The following PCSK5 variants were observed in gnomAD, a reference collection of about 807,000 sequenced individuals.
PCSK5 encodes the protein proprotein convertase subtilisin/kexin type 5, also known as prohormone convertase 5.
Under a neutral mutation model 233.2 loss-of-function variants are expected in PCSK5, and 129 were observed. That is an observed-to-expected ratio of 0.55 (90% CI 0.48 to 0.64). PCSK5 has a LOEUF of 0.64. Among genes scored for constraint, PCSK5 ranks in the 30% least tolerant of loss-of-function variants. The probability of loss-of-function intolerance (pLI) is 0.00; values close to 1 mark genes in which losing one functional copy is unlikely to be tolerated. For missense variants in PCSK5, 2,076 were observed against 2,430.1 expected (o/e 0.85, Z 3.06); for synonymous variants, 825 against 879.2 (o/e 0.94, Z 1.09).
At chr9:76,228,460 G>C (rs1386759731) in intron 21 of PCSK5, among the ~76,000 whole-genome samples, 1 of 152,200 alleles carries the variant, frequency 6.6e-6, no homozygotes, top group Non-Finnish European at 1.5e-5. Flanking sequence ...TAAGCCACTT[G>C]AGATACTCAT....
chr9:76,056,962 A>G (rs900824184), intron 5 of PCSK5, among the ~76,000 whole-genome samples: 3 of 152,224 alleles, frequency 2.0e-5, no homozygotes, highest in Admixed American at 2.0e-4. Flanking sequence ...CATATGCAAG[A>G]GAGCTTAACA....
intron 5 of PCSK5, among the ~76,000 whole-genome samples, chr9:76,040,942 C>CACAGTGCAGTTT (rs1416728346): frequency 6.6e-6 from 1 of 152,122 alleles, no homozygotes; most frequent in African/African-American, 2.4e-5. Flanking sequence ...CATCACTTAA[C>CACAGTGCAGTTT]TAACACAGTG....
At chr9:75,996,984 A>C (rs75138482) in intron 3 of PCSK5, among the ~76,000 whole-genome samples, 1 of 152,106 alleles carries the variant, frequency 6.6e-6, no homozygotes, top group Non-Finnish European at 1.5e-5. Flanking sequence ...CTGATGCCTC[A>C]TTGCTCATTT....
intron 5 of PCSK5, among the ~76,000 whole-genome samples, chr9:76,030,427 G>A (rs1222759835): frequency 6.6e-6 from 1 of 152,134 alleles, no homozygotes; most frequent in African/African-American, 2.4e-5. Context: ...TTTTAGGGAA[G>A]CCACAGTCAA....
intron 2 of PCSK5, among the ~76,000 whole-genome samples, chr9:75,968,279 G>A (rs1236584178): frequency 2.0e-5 from 3 of 152,214 alleles, no homozygotes; most frequent in Non-Finnish European, 2.9e-5. Flanking sequence ...TCAGTCTCAG[G>A]AACTAGTTCA....
chr9:76,138,031 C>T (rs904522977), intron 10 of PCSK5, among the ~76,000 whole-genome samples: 5 of 152,072 alleles, frequency 3.3e-5, no homozygotes, highest in African/African-American at 1.2e-4. Context: ...GGTTTTCCTT[C>T]CTGGAATTTA....
intron 5 of PCSK5, among the ~76,000 whole-genome samples, chr9:76,054,154 A>G (rs932784346): frequency 6.6e-5 from 10 of 152,098 alleles, no homozygotes; most frequent in South Asian, 2.1e-4. Flanking sequence ...ACCCACCCCC[A>G]TGATTCAATT....
intron 20 of PCSK5, among the ~76,000 whole-genome samples, chr9:76,205,940 C>A (rs949176365): frequency 1.3e-5 from 2 of 152,158 alleles, no homozygotes; most frequent in Non-Finnish European, 2.9e-5. Context: ...CCACTTTCTA[C>A]TACTGGTGCT....
At chr9:76,327,355 C>T (rs1380493186) in intron 32 of PCSK5, among the ~76,000 whole-genome samples, 1 of 152,158 alleles carries the variant, frequency 6.6e-6, no homozygotes, top group Non-Finnish European at 1.5e-5. Flanking sequence ...AATCCATCCA[C>T]CTTGGCCTCC....
intron 2 of PCSK5, among the ~76,000 whole-genome samples, chr9:75,952,282 G>A (rs1204276777): frequency 1.3e-5 from 2 of 152,048 alleles, no homozygotes. Context: ...TTAAGCATAA[G>A]GTCTTTGAGT....
At chr9:75,924,083 A>G (rs1823370223) in intron 1 of PCSK5, among the ~76,000 whole-genome samples, 1 of 152,178 alleles carries the variant, frequency 6.6e-6, no homozygotes, top group Non-Finnish European at 1.5e-5. Context: ...TAACATATTC[A>G]TAGGTTCTGG....
At chr9:75,936,370 G>T (rs1056006738) in intron 2 of PCSK5, among the ~76,000 whole-genome samples, 1 of 152,246 alleles carries the variant, frequency 6.6e-6, no homozygotes, top group Non-Finnish European at 1.5e-5. Context: ...ATGCAATGCT[G>T]TTTGATAGCA....
intron 8 of PCSK5, among the ~76,000 whole-genome samples, chr9:76,097,899 T>C (rs1831601670): frequency 6.6e-6 from 1 of 152,202 alleles, no homozygotes; most frequent in South Asian, 2.1e-4. Flanking sequence ...TCTGGATTTG[T>C]CTTTTCAAGG....
chr9:75,931,934 T>A (rs1182576934), intron 1 of PCSK5, among the ~76,000 whole-genome samples: 1 of 152,250 alleles, frequency 6.6e-6, no homozygotes, highest in East Asian at 1.9e-4. Context: ...TAAGACATAT[T>A]TCAAATTAAC....
At chr9:76,355,984 G>A (rs775158848) in intron 37 of PCSK5, among the ~76,000 whole-genome samples, 2 of 152,272 alleles carry the variant, frequency 1.3e-5, no homozygotes. Context: ...GATTATAGGC[G>A]TGAGCTACCG....
chr9:76,247,157 G>A (rs1192368897), intron 24 of PCSK5, among the ~76,000 whole-genome samples: 1 of 152,196 alleles, frequency 6.6e-6, no homozygotes, highest in Non-Finnish European at 1.5e-5. Context: ...CACCTCGCTG[G>A]ATCAGGAGCA....
chr9:75,905,850 C>T (rs1220033524), intron 1 of PCSK5, among the ~76,000 whole-genome samples: 1 of 152,114 alleles, frequency 6.6e-6, no homozygotes, highest in Admixed American at 6.5e-5. Context: ...AACCATTGCC[C>T]CCTCCCCTGT....
intron 36 of PCSK5, among the ~76,000 whole-genome samples, chr9:76,353,032 TTA>T (rs1830207601): frequency 6.9e-6 from 1 of 144,608 alleles, no homozygotes; most frequent in African/African-American, 2.6e-5. Context: ...AAAAAAAAAA[TTA>T]TATGAGTGCT....
chr9:76,285,648 C>T (rs1386089616), intron 24 of PCSK5, among the ~76,000 whole-genome samples: 2 of 152,082 alleles, frequency 1.3e-5, no homozygotes, highest in Admixed American at 6.6e-5. Context: ...TAAAATTACC[C>T]CCCCACCACC....
Sources: allele counts gnomAD v4.1 joint callset (sites outside exome capture counted in the v4.1 genomes callset), GRCh38; gene constraint gnomAD v4.1.1; transcripts MANE v1.5; gene names NCBI Gene and HGNC (gene_info 2026-07-23, HGNC 2026-07-21).